The following AP3D1 variants were observed in gnomAD, a reference collection of about 807,000 sequenced individuals.
The protein encoded by AP3D1 is AP-3 complex subunit delta-1.
In AP3D1, 51 loss-of-function variants were observed where a neutral mutation model predicts 147.6. The ratio of observed to expected loss-of-function variants is 0.35; its 90% CI spans 0.28 to 0.44. AP3D1 has a LOEUF of 0.44. Ranked by LOEUF, AP3D1 falls within the 20% of genes least tolerant of loss-of-function variation. The pLI is 1.00. For synonymous variants in AP3D1, 760 were observed against 663.0 expected (o/e 1.15, Z -2.25); for missense variants, 1,421 against 1,624.2 (o/e 0.87, Z 2.15).
intron 1 of AP3D1, chr19:2,164,274 C>A: frequency 1.6e-6 from 2 of 1,261,432 alleles, no homozygotes; most frequent in East Asian, 3.1e-5. Flanking sequence ...ACGTGAGTGC[C>A]GCCCTCCACC....
Position 2,131,635 on chromosome 19 carries a change from G to A in AP3D1, c.462+836C>T, listed in dbSNP as rs80158281. Among the ~76,000 whole-genome samples, 202 of 132,976 alleles carry A rather than the reference G, an allele frequency of 1.5e-3. 9 individuals are homozygous for A. Among genetic ancestry groups the A allele is most frequent in the Non-Finnish European group, 2.3e-3 (142 of 60,734 alleles). The allele number at this position is 132,976 out of a possible 152,430, so 87.2% of individuals were successfully genotyped here. On this transcript the variant is annotated intron_variant, in intron 5 of 31. Transcript: ENST00000643116. ...CGCGGGGACAGCGCCCATCGGCCAC[G>A]ATCTAGACACCTCCAGGCGGACAGG...
chr19:2,121,856 T>C lies in AP3D1; in HGVS notation c.979A>G (p.Met327Val). The C allele has an allele frequency of 1.9e-6, 3 of 1,608,382 alleles. No individual in the cohort carries two copies. Among genetic ancestry groups the C allele is most frequent in the Non-Finnish European group, 2.5e-6 (3 of 1,177,942 alleles). The change falls in exon 12 of 32, where the codon ATG (methionine) becomes GTG (valine). Residue 327 changes from methionine to valine, a missense_variant. Around this residue, in one of 6 missense-constraint regions of AP3D1, gnomAD observed 310 missense variants for 388.1 expected, o/e 0.80. Coordinates refer to ENST00000643116, the MANE Select transcript of AP3D1 (RefSeq NM_001261826.3). The stretch of plus-strand genomic sequence containing the variant: ...GGGTGGGTCTTCAGGATCTTGGACA[T>C]TGCCAGCAGCCCCAGGTACTTCACT... ...QNLKYLGLLA[M>V]SKILKTHPKS...
chr19:2,160,482 C>G (rs1048770407), intron 1 of AP3D1, among the ~76,000 whole-genome samples: 8 of 151,828 alleles, frequency 5.3e-5, no homozygotes. Flanking sequence ...TGCAGTAAGC[C>G]AAGATCACAC....
Position 2,102,161 on chromosome 19 carries a change from C to G in AP3D1, c.*12G>C. ...GTGCTCCGCGGGGTGGTGCGGGGCT[C>G]GCAGGCAGCTCTCAACACTTGGCCA... is the stretch of plus-strand genomic sequence containing the variant. On this transcript the variant is annotated 3_prime_UTR_variant, in exon 32 of 32. Transcript: ENST00000643116. 6.2e-7 allele frequency: 1 copy of G among 1,609,854 alleles called. No individual in the cohort carries two copies. Among genetic ancestry groups the G allele is most frequent in the South Asian group, 1.1e-5 (1 of 90,972 alleles).
intron 1 of AP3D1, among the ~76,000 whole-genome samples, chr19:2,162,183 CGAGT>C (rs1199630856): frequency 6.0e-5 from 9 of 150,778 alleles, no homozygotes; most frequent in African/African-American, 1.7e-4. Context: ...ACTACAGGCA[CGAGT>C]CACCACGCCC....
intron 4 of AP3D1, among the ~76,000 whole-genome samples, chr19:2,135,563 T>C (rs1325921069): frequency 6.6e-6 from 1 of 152,034 alleles, no homozygotes. Context: ...AACAAACAAA[T>C]GACACACTGG....
rs894598626 is a variant in AP3D1 at position 2,109,978 on chromosome 19, G to A, written c.3265-20C>T. The A allele has an allele frequency of 4.3e-6, 7 of 1,612,906 alleles. No individual in the cohort carries two copies. Among genetic ancestry groups the A allele is most frequent in the Non-Finnish European group, 5.9e-6 (7 of 1,179,410 alleles). On this transcript the variant is annotated intron_variant, in intron 28 of 31. Transcript: ENST00000643116. The stretch of plus-strand genomic sequence containing the variant: ...GTCATTCTGCGGTGGAGTGAAGGTG[G>A]TGCAGTTGAGAGGGGAGTCGGGCCC...
chr19:2,151,143 G>C, intron 1 of AP3D1, 96 bp downstream of exon 1: 2 of 1,218,948 alleles, frequency 1.6e-6, no homozygotes, highest in Admixed American at 4.8e-5. Context: ...GACAGAGCCC[G>C]GGCGGGCGGC....
chr19:2,156,058 A>G (rs2019643111), upstream of AP3D1, among the ~76,000 whole-genome samples: 1 of 151,976 alleles, frequency 6.6e-6, no homozygotes, highest in Non-Finnish European at 1.5e-5. Context: ...GTCTCAAAAA[A>G]AAAAAAAAAG....
At chr19:2,159,993 G>A (rs2144605617) in intron 1 of AP3D1, among the ~76,000 whole-genome samples, 1 of 152,288 alleles carries the variant, frequency 6.6e-6, no homozygotes, top group South Asian at 2.1e-4. Flanking sequence ...TGGGATTGCA[G>A]GCATTAGCCA....
At chr19:2,123,670 G>A (rs1448457880) in intron 10 of AP3D1, among the ~76,000 whole-genome samples, 160 bp downstream of exon 10, 2 of 152,194 alleles carry the variant, frequency 1.3e-5, no homozygotes, top group East Asian at 3.9e-4. Context: ...AAGCAGGCTC[G>A]GGTAGGTAGT....
rs147406176 is a variant in AP3D1, at chr19:2,148,421, C to G, written c.96+2818G>C. Among the ~76,000 whole-genome samples, 705 of 152,324 alleles carry G rather than the reference C, an allele frequency of 4.6e-3. 4 individuals carry two copies. The highest frequency in any genetic ancestry group is 0.016 in the African/African-American group (664 of 41,572). ...ACATGCAGAAATCAAAGTTTCAGGA[C>G]AGGACGGTTACTGTATGTGCCTGCA... On this transcript the variant is annotated intron_variant, in intron 1 of 31. Transcript: ENST00000643116.
chr19:2,129,843 G>T (rs946929360), intron 6 of AP3D1, among the ~76,000 whole-genome samples: 15 of 152,338 alleles, frequency 9.8e-5, no homozygotes, highest in Middle Eastern at 3.4e-3. Flanking sequence ...CCACTCCAGG[G>T]AGAAGCTCGC....
In AP3D1 at chr19:2,120,901, AC is replaced by A; in HGVS notation, c.1441del (p.Val481CysfsTer124). On this transcript the variant is annotated frameshift_variant, in exon 14 of 32. Transcript: ENST00000643116. LOFTEE classifies it high-confidence loss of function. ...GCAGATCCAGGCGGCAGCGTACAGC[AC>A]CTCACAGATCCCGTTCCGCTGGGTG... ...SSTQRNGICEVLYAAAWICGE... is the reference protein window; with the variant it reads ...SSTQRNGICEXLYAAAWICGE... 6.2e-7 allele frequency: 1 copy of A among 1,611,098 alleles called. No homozygotes were observed. Among genetic ancestry groups the A allele is most frequent in the Non-Finnish European group, 8.5e-7 (1 of 1,179,984 alleles).
At position 2,121,785 on chromosome 19, in the gene AP3D1, G is replaced by C. The variant is rs773519046; in HGVS notation, c.1050C>G (p.Asp350Glu). 6.2e-7 allele frequency: 1 copy of C among 1,613,094 alleles called. No individual in the cohort carries two copies. Among genetic ancestry groups the C allele is most frequent in the Non-Finnish European group, 8.5e-7 (1 of 1,179,658 alleles). The change falls in exon 12 of 32, where the codon GAC becomes GAG. Residue 350 changes from aspartate to glutamate, a missense_variant. Physicochemically the swap from Asp to Glu is conservative, Grantham distance 45. Coordinates refer to ENST00000643116, the MANE Select transcript of AP3D1 (RefSeq NM_001261826.3). The part of the protein sequence containing the change: ...SHKDLILQCL[D>E]DKDESIRLRA... ...GCAGCCGGATGGACTCGTCCTTGTC[G>C]TCCAGGCACTGCAGGATGAGGTCCT...
Position 2,117,308 on chromosome 19 carries a change from A to G in AP3D1, c.1773T>C (p.Pro591=), listed in dbSNP as rs372163475. 6 of 1,612,698 alleles carry G rather than the reference A, an allele frequency of 3.7e-6. No homozygotes were observed. Among genetic ancestry groups the G allele is most frequent in the Middle Eastern group, 1.6e-4 (1 of 6,078 alleles). The change falls in exon 16 of 32, where the codon CCT becomes CCC. Residue 591 remains proline, a synonymous_variant. Transcript: ENST00000643116. ...AGAGAGCGCTGACCTCCTCTGCCAC[A>G]GGCACGTCCTTGGCCTGAAGCTTCT... ...HIQKLQAKDV[P]VAEEVSALFA...
intron 31 of AP3D1, among the ~76,000 whole-genome samples, chr19:2,103,291 C>T (rs866252825): frequency 2.6e-5 from 4 of 152,058 alleles, no homozygotes; most frequent in African/African-American, 9.7e-5. Context: ...GGGAGGGGCT[C>T]CAGCCTACAT....
Position 2,114,185 on chromosome 19 carries a change from T to G in AP3D1, c.2541A>C (p.Lys847Asn), listed in dbSNP as rs2018370648. 6.2e-7 allele frequency: 1 copy of G among 1,603,344 alleles called. No homozygotes were observed. Among genetic ancestry groups the G allele is most frequent in the African/African-American group, 1.3e-5 (1 of 74,566 alleles). ...VEKKSKKPKK[K>N]EKKHKEKERD... Reference sequence around the variant, plus strand: ...TCTCTTTCTCTTTGTGTTTTTTCTCTTTCTTCTTGGGTTTCTTGCTCTTCT... The same window carrying G: ...TCTCTTTCTCTTTGTGTTTTTTCTCGTTCTTCTTGGGTTTCTTGCTCTTCT... Residue 847 changes from lysine (K) to asparagine (N), a missense_variant, in exon 22 of 32, where the codon AAA (lysine) becomes AAC (asparagine). By Grantham distance (94) the Lys-to-Asn change is moderately conservative (BLOSUM62 0). This residue lies in a region of AP3D1 where 791 missense variants were observed against 761.4 expected (regional missense o/e 1.04). Coordinates refer to ENST00000643116, the MANE Select transcript of AP3D1 (RefSeq NM_001261826.3).
In AP3D1 at chr19:2,112,935, C is replaced by T. The variant is rs1205752934; in HGVS notation, c.2712G>A (p.Pro904=). ...GELSVNTVTT[P]KDECEDAKTE... ...TCTTGGCGTCCTCACACTCGTCCTTCGGGGTAGTGACAGTGTTCACACTGA... is the reference window on the plus strand; with the variant it reads ...TCTTGGCGTCCTCACACTCGTCCTTTGGGGTAGTGACAGTGTTCACACTGA... The change falls in exon 24 of 32, where the codon CCG becomes CCA. Residue 904 remains proline (P), a synonymous_variant. Transcript: ENST00000643116. The T allele has an allele frequency of 9.3e-6, 15 of 1,613,100 alleles. No individual in the cohort carries two copies. The highest frequency in any genetic ancestry group is 5.5e-5 in the South Asian group (5 of 91,038).
Sources: allele counts gnomAD v4.1 joint callset (sites outside exome capture counted in the v4.1 genomes callset), GRCh38; gene constraint gnomAD v4.1.1; regional missense constraint gnomAD v4.1.1; transcripts MANE v1.5; gene names NCBI Gene and HGNC (gene_info 2026-07-23, HGNC 2026-07-21).